ST13: variants seen among roughly 807,000 people sequenced by gnomAD.
ST13 encodes ST13 Hsp70 interacting protein.
Under a neutral mutation model 56.7 loss-of-function variants are expected in ST13, and 23 were observed. The observed-to-expected ratio is 0.41, with a 90% confidence interval of 0.29 to 0.57. ST13 has a LOEUF of 0.57. ST13 is among the 20% of genes least tolerant of loss of function. The probability of loss-of-function intolerance (pLI) is 0.36; values close to 1 mark genes in which losing one functional copy is unlikely to be tolerated. For missense variants in ST13, 369 were observed against 459.9 expected (o/e 0.80, Z 1.81); for synonymous variants, 132 against 142.4 (o/e 0.93, Z 0.52).
At chr22:40,833,148 A>G (rs1303242882) in intron 7 of ST13, among the ~76,000 whole-genome samples, 2 of 152,240 alleles carry the variant, frequency 1.3e-5, no homozygotes, top group Non-Finnish European at 2.9e-5. Context: ...ACGAAAACTG[A>G]GAATTCACTG....
In ST13 at chr22:40,835,812, T is replaced by C. The variant is rs1378063057; in HGVS notation, c.458A>G (p.Lys153Arg). Reference protein sequence around the residue: ...LNPRLAILYAKRASVFVKLQK... With the variant: ...LNPRLAILYARRASVFVKLQK... The stretch of plus-strand genomic sequence containing the variant: ...TGTTTAGAGTTCTCACCTGGCCCTC[T>C]TGGCATACAAAATGGCCAAGCGAGG... Residue 153 changes from lysine (K) to arginine (R), a missense_variant, in exon 6 of 12, where the codon AAG becomes AGG. Lys to Arg is a conservative substitution (Grantham distance 26, BLOSUM62 2). This residue lies in a region of ST13 where 64 missense variants were observed against 125.1 expected (regional missense o/e 0.51). Coordinates refer to ENST00000216218, the MANE Select transcript of ST13 (RefSeq NM_003932.5). 2 of 1,613,980 alleles carry C rather than the reference T, an allele frequency of 1.2e-6. No homozygotes were observed. The highest frequency in any genetic ancestry group is 4.5e-5 in the East Asian group (2 of 44,886).
chr22:40,841,416 C>T (rs2057803943), intron 4 of ST13, among the ~76,000 whole-genome samples: 2 of 151,822 alleles, frequency 1.3e-5, no homozygotes, highest in Admixed American at 1.3e-4. Context: ...AGCAAACATC[C>T]TCCTAAAATG....
chr22:40,855,894 T>C (rs1033462733), intron 1 of ST13, among the ~76,000 whole-genome samples: 171 of 145,996 alleles, frequency 1.2e-3, no homozygotes, highest in African/African-American at 4.5e-3. Flanking sequence ...GTATAATAAG[T>C]GATTCTCAAG....
At chr22:40,855,037 C>T (rs778716647) in intron 1 of ST13, among the ~76,000 whole-genome samples, 10 of 152,144 alleles carry the variant, frequency 6.6e-5, no homozygotes, top group Non-Finnish European at 1.2e-4. Flanking sequence ...AATTGAAAAA[C>T]TTCTTAGAGG....
In ST13 at chr22:40,826,312, G is replaced by A. The variant is rs1157938356; in HGVS notation, c.*226C>T. 2.8e-6 allele frequency: 1 copy of A among 355,574 alleles called. No homozygotes were observed. The highest frequency in any genetic ancestry group is 5.0e-6 in the Non-Finnish European group (1 of 198,598). The allele number at this position is 355,574 out of a possible 1,614,324, so 22.0% of individuals were successfully genotyped here. ...TTTGAAGATTTAAAAAGTGTTTAAAGTTTGTAATTCCTAGTAGGAAAACAT... is the reference window on the plus strand; with the variant it reads ...TTTGAAGATTTAAAAAGTGTTTAAAATTTGTAATTCCTAGTAGGAAAACAT... On this transcript the variant is annotated 3_prime_UTR_variant, in exon 12 of 12. Coordinates refer to ENST00000216218, the MANE Select transcript of ST13 (RefSeq NM_003932.5).
At chr22:40,853,188 T>C (rs985904726) in intron 1 of ST13, among the ~76,000 whole-genome samples, 1 of 152,158 alleles carries the variant, frequency 6.6e-6, no homozygotes, top group African/African-American at 2.4e-5. Context: ...TGCATCAGCA[T>C]TAGTTTCCTA....
chr22:40,840,591 G>A, intron 5 of ST13, 35 bp downstream of exon 5: 1 of 1,578,218 alleles, frequency 6.3e-7, no homozygotes, highest in South Asian at 1.1e-5. Context: ...TAAATATTCT[G>A]ACTACCATAG....
intron 4 of ST13, among the ~76,000 whole-genome samples, chr22:40,843,326 C>T (rs1285451393): frequency 6.6e-6 from 1 of 152,072 alleles, no homozygotes; most frequent in Non-Finnish European, 1.5e-5. Flanking sequence ...ACTTGATCAA[C>T]CTATTTCTAA....
chr22:40,851,955 G>C (rs773530853), intron 1 of ST13, among the ~76,000 whole-genome samples: 1 of 152,130 alleles, frequency 6.6e-6, no homozygotes, highest in African/African-American at 2.4e-5. Flanking sequence ...ATGTTAGCCA[G>C]AACGGTCTCG....
chr22:40,824,598 T>C lies in ST13; in HGVS notation c.*1940A>G, dbSNP rs1357917307. 6.6e-6 allele frequency: 1 copy of C among 152,234 alleles called. No individual in the cohort carries two copies. The highest frequency in any genetic ancestry group is 2.4e-5 in the African/African-American group (1 of 41,448). 9.4% of individuals were successfully genotyped at this position (152,234 alleles called of 1,614,324 possible). A position where few individuals can be genotyped will look rare whatever the true frequency, so the allele number is the denominator to read the frequency against. On this transcript the variant is annotated 3_prime_UTR_variant, in exon 12 of 12. Transcript: ENST00000216218. ...AAATCTAAAAGCACAGGACACATTT[T>C]CAGAAGAGGAATTTTACTTTTACCC... is the stretch of plus-strand genomic sequence containing the variant.
chr22:40,827,723 A>G (rs554764801), intron 10 of ST13, among the ~76,000 whole-genome samples: 1 of 151,646 alleles, frequency 6.6e-6, no homozygotes, highest in Non-Finnish European at 1.5e-5. Context: ...CCGCTCTTGA[A>G]CTCCTGACCC....
At chr22:40,855,399 G>C (rs1018720918) in intron 1 of ST13, among the ~76,000 whole-genome samples, 2 of 152,160 alleles carry the variant, frequency 1.3e-5, no homozygotes, top group African/African-American at 4.8e-5. Flanking sequence ...CAGTGATCCC[G>C]CCACTGTATG....
intron 1 of ST13, among the ~76,000 whole-genome samples, chr22:40,853,255 G>A (rs1450448894): frequency 6.6e-6 from 1 of 151,842 alleles, no homozygotes; most frequent in Non-Finnish European, 1.5e-5. Context: ...CTGGTGTTGG[G>A]GTATAATGTT....
intron 3 of ST13, among the ~76,000 whole-genome samples, chr22:40,846,014 G>A (rs113666924): frequency 0.031 from 4,788 of 152,198 alleles, 114 homozygotes; most frequent in Middle Eastern, 0.079. Flanking sequence ...TTGGCTCACC[G>A]TAACCTCTGC....
intron 5 of ST13, among the ~76,000 whole-genome samples, chr22:40,838,630 A>T (rs2145739279): frequency 6.6e-6 from 1 of 151,948 alleles, no homozygotes; most frequent in African/African-American, 2.4e-5. Context: ...ATAATTAGCC[A>T]GGCATGGTGG....
intron 2 of ST13, among the ~76,000 whole-genome samples, chr22:40,849,810 A>G (rs748575820): frequency 6.6e-6 from 1 of 152,056 alleles, no homozygotes; most frequent in Non-Finnish European, 1.5e-5. Context: ...CTTAATAGAC[A>G]TAACTTCCAC....
At position 40,826,196 on chromosome 22, in the gene ST13, T is replaced by C. The variant is rs1432583058; in HGVS notation, c.*342A>G. On this transcript the variant is annotated 3_prime_UTR_variant, in exon 12 of 12. Transcript: ENST00000216218. ...CAGTAATCTTCCATACATAAGTATATTCCCTGCCAATAATTCAAAGAAAAA... is the reference window on the plus strand; with the variant it reads ...CAGTAATCTTCCATACATAAGTATACTCCCTGCCAATAATTCAAAGAAAAA... The C allele has an allele frequency of 5.8e-6, 1 of 171,832 alleles. No individual in the cohort carries two copies. Among genetic ancestry groups the C allele is most frequent in the Non-Finnish European group, 1.2e-5 (1 of 80,200 alleles). The allele number at this position is 171,832 out of a possible 1,614,324, so 10.6% of individuals were successfully genotyped here. A position where few individuals can be genotyped will look rare whatever the true frequency, so the allele number is the denominator to read the frequency against.
chr22:40,831,675 T>C (rs1033017483), intron 8 of ST13, among the ~76,000 whole-genome samples: 1 of 152,130 alleles, frequency 6.6e-6, no homozygotes, highest in African/African-American at 2.4e-5. Context: ...TTCAATACAA[T>C]TCCCACTATC....
chr22:40,852,733 A>G (rs1299981432), intron 1 of ST13, among the ~76,000 whole-genome samples: 3 of 152,230 alleles, frequency 2.0e-5, no homozygotes, highest in Non-Finnish European at 4.4e-5. Flanking sequence ...TCAGCAAAGT[A>G]AAATGATTTA....
Sources: gnomAD v4.1 joint callset for allele counts (sites outside exome capture counted in the v4.1 genomes callset) on GRCh38, gnomAD v4.1.1 for gene constraint, gnomAD v4.1.1 regional missense constraint, MANE v1.5 for transcripts, NCBI Gene and HGNC (gene_info 2026-07-23, HGNC 2026-07-21) for gene names.